MMP26: variants seen among roughly 807,000 people sequenced by gnomAD.
The protein encoded by MMP26 is matrix metalloproteinase-26.
Under a neutral mutation model 31.0 loss-of-function variants are expected in MMP26, and 33 were observed. The observed-to-expected ratio is 1.06, with a 90% CI of 0.81 to 1.42. The LOEUF (loss-of-function observed/expected upper bound fraction) is 1.42, where lower values mean the gene tolerates loss of function less well. Ranked by LOEUF, MMP26 falls within the 40% of genes most tolerant of loss-of-function variation. The pLI is 0.00. For missense variants in MMP26, 347 were observed against 316.1 expected (o/e 1.10, Z -0.74); for synonymous variants, 122 against 114.9 (o/e 1.06, Z -0.40).
intron 1 of MMP26, among the ~76,000 whole-genome samples, chr11:4,764,068 C>A (rs1848599334): frequency 6.6e-6 from 1 of 152,062 alleles, no homozygotes; most frequent in African/African-American, 2.4e-5. Flanking sequence ...ACTTTTTAAT[C>A]TTTTCTTCAA....
intron 2 of MMP26, among the ~76,000 whole-genome samples, chr11:4,979,112 C>T (rs60547455): frequency 0.046 from 6,976 of 152,086 alleles, 540 homozygotes; most frequent in African/African-American, 0.16. Flanking sequence ...AAATTGCTCC[C>T]AGAAGCATGT....
chr11:4,758,791 T>C (rs1367638990), intron 1 of MMP26, among the ~76,000 whole-genome samples: 2 of 152,158 alleles, frequency 1.3e-5, no homozygotes, highest in African/African-American at 2.4e-5. Flanking sequence ...AATTGAATAA[T>C]GTGTTTACTA....
rs767439178 is a variant in MMP26, at chr11:4,946,328, T to C, written c.-144-41740T>C. ...GGCAAAGCGGTGGACAACGGCCAGGTTGATGATGGGCAGGTAGAAGATGAT... is the reference window on the plus strand; with the variant it reads ...GGCAAAGCGGTGGACAACGGCCAGGCTGATGATGGGCAGGTAGAAGATGAT... On this transcript the variant is annotated intron_variant, in intron 2 of 7. Transcript: ENST00000380390. 7 of 1,613,808 alleles carry C rather than the reference T, an allele frequency of 4.3e-6. No homozygotes were observed. The South Asian group carries it at 6.6e-5, about 15-fold the overall frequency.
At chr11:4,723,285 C>T (rs1221472592) in intron 1 of MMP26, 16 of 1,029,178 alleles carry the variant, frequency 1.6e-5, no homozygotes, top group Non-Finnish European at 2.4e-5. Flanking sequence ...TTGTGCGCTG[C>T]GGGTCATCCT....
At position 4,778,603 on chromosome 11, in the gene MMP26, A is replaced by G. The variant is rs578077110; in HGVS notation, c.-145+11262A>G. The stretch of plus-strand genomic sequence containing the variant: ...TTTGCAGCAGTGCCTAGGCAATTCT[A>G]TATACTTCACATTTTCACATAAATT... On this transcript the variant is annotated intron_variant, in intron 2 of 7. Transcript: ENST00000380390. Among the ~76,000 whole-genome samples, 4 of 152,052 alleles carry G rather than the reference A, an allele frequency of 2.6e-5. No individual in the cohort carries two copies. The South Asian group carries it at 6.2e-4, about 24-fold the overall frequency.
intron 2 of MMP26, among the ~76,000 whole-genome samples, chr11:4,910,702 C>T (rs1850977658): frequency 6.6e-6 from 1 of 152,098 alleles, no homozygotes; most frequent in Non-Finnish European, 1.5e-5. Flanking sequence ...AAATTGTAAA[C>T]TCCATAGGAT....
intron 2 of MMP26, among the ~76,000 whole-genome samples, chr11:4,853,534 A>G (rs1850004648): frequency 1.3e-5 from 2 of 152,184 alleles, no homozygotes. Context: ...GGATAACACT[A>G]TTAGACAATT....
intron 2 of MMP26, among the ~76,000 whole-genome samples, chr11:4,862,263 T>C (rs1850172413): frequency 6.6e-6 from 1 of 152,198 alleles, no homozygotes; most frequent in Admixed American, 6.6e-5. Flanking sequence ...CGTATTTGTT[T>C]AATGTCCATC....
intron 1 of MMP26, among the ~76,000 whole-genome samples, chr11:4,742,543 C>G (rs1472779335): frequency 1.3e-5 from 2 of 151,978 alleles, no homozygotes; most frequent in African/African-American, 4.8e-5. Context: ...GAAGGTTTTT[C>G]CAGAAGAGAT....
At chr11:4,732,541 C>CAAAA (rs56079183) in intron 1 of MMP26, among the ~76,000 whole-genome samples, 2 of 94,664 alleles carry the variant, frequency 2.1e-5, no homozygotes, top group Non-Finnish European at 4.6e-5. Flanking sequence ...AGACTCGTCT[C>CAAAA]AAAAAAAAAA....
intron 1 of MMP26, chr11:4,710,390 G>A (rs1208713455): frequency 6.6e-6 from 3 of 456,758 alleles, no homozygotes; most frequent in Admixed American, 4.7e-5. Flanking sequence ...CTCCCCTTGT[G>A]CACATGCTCA....
chr11:4,803,729 C>T lies in MMP26; in HGVS notation c.-145+36388C>T, dbSNP rs1327901951. 6.2e-7 allele frequency: 1 copy of T among 1,613,562 alleles called. No homozygotes were observed. The highest frequency in any genetic ancestry group is 1.7e-5 in the Admixed American group (1 of 59,926). On this transcript the variant is annotated intron_variant, in intron 2 of 7. Coordinates refer to ENST00000380390, the MANE Select transcript of MMP26 (RefSeq NM_021801.5). The stretch of plus-strand genomic sequence containing the variant: ...CTCAAAATCATCACGTATGACATAC[C>T]AATGACAATCATATCAAAGCCAGCC...
chr11:4,807,830 G>A (rs776009019), intron 2 of MMP26, among the ~76,000 whole-genome samples: 10 of 152,094 alleles, frequency 6.6e-5, no homozygotes, highest in Non-Finnish European at 8.8e-5. Flanking sequence ...TTTGAGACAT[G>A]CTTTCACTCT....
At chr11:4,756,330 A>G (rs956255451) in intron 1 of MMP26, among the ~76,000 whole-genome samples, 1 of 152,074 alleles carries the variant, frequency 6.6e-6, no homozygotes, top group Non-Finnish European at 1.5e-5. Flanking sequence ...CATACAAATA[A>G]CTATAGTCTC....
Position 4,989,756 on chromosome 11 carries a change from G to A in MMP26, c.208G>A (p.Asp70Asn). The A allele has an allele frequency of 6.2e-7, 1 of 1,614,004 alleles. No individual in the cohort carries two copies. The highest frequency in any genetic ancestry group is 1.7e-5 in the Admixed American group (1 of 60,020). Residue 70 changes from aspartate (D) to asparagine (N), a missense_variant, in exon 4 of 8, where the codon GAC (aspartate) becomes AAC (asparagine). Asp to Asn is a conservative substitution (Grantham distance 23). Transcript: ENST00000380390. ...QFHRNGTDLL[D>N]MQMHALLHQP... ...CCATCGGAATGGGACAGACCTACTT[G>A]ACATGCAGATGCATGCTCTGCTACA...
rs61747513 is a variant in MMP26 at position 4,915,171 on chromosome 11, G to A, written c.-144-72897G>A. ...TAGGGGAATCTTTTGAGCATAAAAG[G>A]TAATGGAAAAATGAGTGCTACACTA... On this transcript the variant is annotated intron_variant, in intron 2 of 7. Transcript: ENST00000380390. 7.5e-3 allele frequency: 12,042 copies of A among 1,614,004 alleles called. 763 individuals are homozygous for A. In the African/African-American group the frequency reaches 0.14, roughly 19 times the overall value.
chr11:4,775,797 G>A (rs1206517168), intron 2 of MMP26, among the ~76,000 whole-genome samples: 4 of 150,250 alleles, frequency 2.7e-5, no homozygotes, highest in Admixed American at 2.6e-4. Flanking sequence ...AAGGAGCCAG[G>A]CCTTTATTCT....
At chr11:4,784,887 A>G (rs1324947931) in intron 2 of MMP26, among the ~76,000 whole-genome samples, 2 of 152,242 alleles carry the variant, frequency 1.3e-5, no homozygotes, top group Non-Finnish European at 2.9e-5. Context: ...TGTACATAGT[A>G]TAATGATCAA....
intron 1 of MMP26, among the ~76,000 whole-genome samples, chr11:4,732,698 A>G: frequency 6.6e-6 from 1 of 152,196 alleles, no homozygotes; most frequent in East Asian, 1.9e-4. Flanking sequence ...AAGATTTTAT[A>G]TAAATTGAAT....
Sources: gnomAD v4.1 joint callset for allele counts (sites outside exome capture counted in the v4.1 genomes callset) on GRCh38, gnomAD v4.1.1 for gene constraint, MANE v1.5 for transcripts, NCBI Gene and HGNC (gene_info 2026-07-23, HGNC 2026-07-21) for gene names.